Variants in KIF2A observed in about 807,000 individuals in gnomAD.
The protein encoded by KIF2A is kinesin family member 2A.
KIF2A carries 22 observed loss-of-function variants against 100.2 expected under a neutral mutation model. That is an observed-to-expected ratio of 0.22 (90% CI 0.16 to 0.31). KIF2A has a LOEUF of 0.31. Ranked by LOEUF, KIF2A falls within the 10% of genes least tolerant of loss-of-function variation. The pLI is 1.00. For synonymous variants in KIF2A, 268 were observed against 285.9 expected, an observed-to-expected ratio of 0.94 and a Z score of 0.63; for missense variants, 495 against 898.7, an observed-to-expected ratio of 0.55 and a Z score of 5.74.
chr5:62,354,210 A>T (rs1340795128), intron 6 of KIF2A, among the ~76,000 whole-genome samples: 1 of 152,110 alleles, frequency 6.6e-6, no homozygotes, highest in Non-Finnish European at 1.5e-5. Context: ...GAATAATAAA[A>T]CATATTATCT....
At chr5:62,337,435 T>G (rs893966946) in intron 1 of KIF2A, among the ~76,000 whole-genome samples, 24 of 150,268 alleles carry the variant, frequency 1.6e-4, no homozygotes, top group Non-Finnish European at 2.8e-4. Flanking sequence ...GAGGTTGCAG[T>G]GAGCCGAGAT....
At chr5:62,372,346 A>G (rs1460782209) in intron 16 of KIF2A, 92 bp from the exon 17 acceptor site, 1 of 696,812 alleles carries the variant, frequency 1.4e-6, no homozygotes, top group Non-Finnish European at 2.5e-6. Context: ...TCCTTTTCTA[A>G]ACAAAAGTGA....
chr5:62,357,881 T>A (rs1748194979), intron 8 of KIF2A, 136 bp downstream of exon 8: 1 of 654,694 alleles, frequency 1.5e-6, no homozygotes, highest in Admixed American at 3.2e-5. Context: ...TATGCAGATT[T>A]CTATGGCTAA....
At chr5:62,383,093 C>T (rs1741854050) in intron 20 of KIF2A, among the ~76,000 whole-genome samples, 1 of 149,178 alleles carries the variant, frequency 6.7e-6, no homozygotes, top group Non-Finnish European at 1.5e-5. Context: ...TACCCGGCTA[C>T]TTTTTGTATT....
Position 62,381,178 on chromosome 5 carries a change from T to G in KIF2A, c.2074T>G (p.Tyr692Asp). The G allele has an allele frequency of 6.2e-7, 1 of 1,608,584 alleles. No homozygotes were observed. Among genetic ancestry groups the G allele is most frequent in the Non-Finnish European group, 8.5e-7 (1 of 1,175,124 alleles). The change falls in exon 20 of 21, where the codon TAT becomes GAT. Residue 692 changes from tyrosine (Y) to aspartate (D), a missense_variant. This residue lies in a region of KIF2A where 58 missense variants were observed against 94.8 expected (regional missense o/e 0.61). Coordinates refer to ENST00000407818, the MANE Select transcript of KIF2A (RefSeq NM_001098511.3). The part of the protein sequence containing the change: ...ALLEMTEEVD[Y>D]DVDSYATQLE... ...CTTAGAGATGACTGAAGAAGTAGAT[T>G]ATGATGTCGATTCATATGCTACACA...
rs189317520 is a variant in KIF2A at position 62,344,117 on chromosome 5, G to A, written c.65-3013G>A. 6.0e-3 allele frequency among the ~76,000 whole-genome samples: 915 copies of A among 152,234 alleles called. 5 individuals are homozygous for A. The highest frequency in any genetic ancestry group is 0.01 in the Admixed American group (158 of 15,292). ...TCCCAGCACTTTGGGAGGCTGAGGCGGGCAGATCATGAAGTCAAGAGATGG... is the reference window on the plus strand; with the variant it reads ...TCCCAGCACTTTGGGAGGCTGAGGCAGGCAGATCATGAAGTCAAGAGATGG... On this transcript the variant is annotated intron_variant, in intron 1 of 20. Coordinates refer to ENST00000407818, the MANE Select transcript of KIF2A (RefSeq NM_001098511.3).
chr5:62,366,138 G>T (rs1198017650), intron 15 of KIF2A, among the ~76,000 whole-genome samples: 3 of 151,998 alleles, frequency 2.0e-5, no homozygotes, highest in Non-Finnish European at 4.4e-5. Flanking sequence ...GTCAGGTGGA[G>T]TGGGGGTCAG....
At chr5:62,380,466 T>G (rs562879272) in intron 19 of KIF2A, among the ~76,000 whole-genome samples, 1 of 152,270 alleles carries the variant, frequency 6.6e-6, no homozygotes, top group Admixed American at 6.5e-5. Flanking sequence ...TTTCATGTGT[T>G]TGTGTTAGAT....
At chr5:62,363,354 A>G (rs745517818) in intron 13 of KIF2A, 34 bp downstream of exon 13, 4 of 1,591,186 alleles carry the variant, frequency 2.5e-6, no homozygotes, top group Non-Finnish European at 3.4e-6. Context: ...AGGAAACATC[A>G]GTTTTAGAAA....
chr5:62,314,613 T>C (rs1745717852), intron 1 of KIF2A, among the ~76,000 whole-genome samples: 1 of 152,132 alleles, frequency 6.6e-6, no homozygotes, highest in Non-Finnish European at 1.5e-5. Flanking sequence ...CTATGTTTTA[T>C]TTACTTTTGA....
At chr5:62,315,248 C>T (rs1579998937) in intron 1 of KIF2A, among the ~76,000 whole-genome samples, 1 of 81,396 alleles carries the variant, frequency 1.2e-5, no homozygotes, top group East Asian at 3.2e-4. Flanking sequence ...AAAAAACAGA[C>T]CAAAAAAAAA....
rs906439962 is a variant in KIF2A at position 62,363,331 on chromosome 5, T to C, written c.1262+11T>C. 6 of 1,604,832 alleles carry C rather than the reference T, an allele frequency of 3.7e-6. No homozygotes were observed. In the African/African-American group the frequency reaches 8.1e-5, roughly 22 times the overall value. On this transcript the variant is annotated intron_variant, in intron 13 of 20. Transcript: ENST00000407818. ...AGGCAACAGTTGCAGGTAAATCTCA[T>C]TTTGATTAAGAAAGGAAACATCAGT...
chr5:62,308,639 T>G, intron 1 of KIF2A: 1 of 683,406 alleles, frequency 1.5e-6, no homozygotes, highest in Non-Finnish European at 2.7e-6. Flanking sequence ...TAGATGGACC[T>G]GAAGGACGTT....
Position 62,388,576 on chromosome 5 carries a change from G to A in KIF2A, c.*3007G>A, listed in dbSNP as rs962627550. 6.3e-6 allele frequency: 1 copy of A among 158,754 alleles called. No homozygotes were observed. The allele number at this position is 158,754 out of a possible 1,614,324, so 9.8% of individuals were successfully genotyped here. On this transcript the variant is annotated 3_prime_UTR_variant, in exon 21 of 21. Coordinates refer to ENST00000407818, the MANE Select transcript of KIF2A (RefSeq NM_001098511.3). ...ACATGTGAATAACAAGAAATGGTAC[G>A]GGGAATGTGAATAACACGAAATGGT...
intron 18 of KIF2A, among the ~76,000 whole-genome samples, chr5:62,374,089 G>C (rs564719366): frequency 1.3e-5 from 2 of 152,170 alleles, no homozygotes; most frequent in South Asian, 4.1e-4. Context: ...GTATACACCT[G>C]TAAGTCTAGC....
Position 62,306,327 on chromosome 5 carries a change from C to T in KIF2A, c.-146C>T, listed in dbSNP as rs1166740041. The T allele has an allele frequency of 2.6e-5, 17 of 659,474 alleles. No homozygotes were observed. The East Asian group carries it at 3.5e-4, about 14-fold the overall frequency. The allele number at this position is 659,474 out of a possible 1,614,324, so 40.9% of individuals were successfully genotyped here. On this transcript the variant is annotated 5_prime_UTR_variant, in exon 1 of 21. Coordinates refer to ENST00000407818, the MANE Select transcript of KIF2A (RefSeq NM_001098511.3). ...CCTGCTTCCCCACAGCTGCTCCTTG[C>T]GGCCCCGCTTGCGTTCACGCTGTCG...
intron 4 of KIF2A, 21 bp from the exon 5 acceptor site, chr5:62,352,567 A>ATTT: frequency 2.7e-6 from 3 of 1,119,812 alleles, no homozygotes; most frequent in Admixed American, 6.0e-5. Flanking sequence ...TGAATTTAAA[A>ATTT]TTTTTTTTTT....
intron 1 of KIF2A, among the ~76,000 whole-genome samples, chr5:62,327,602 T>G (rs997426171): frequency 1.3e-5 from 2 of 152,264 alleles, no homozygotes; most frequent in Non-Finnish European, 2.9e-5. Context: ...ACTCATAATC[T>G]GACTTTAGCC....
At chr5:62,319,624 T>C (rs779958035) in intron 1 of KIF2A, among the ~76,000 whole-genome samples, 10 of 152,202 alleles carry the variant, frequency 6.6e-5, no homozygotes, top group Non-Finnish European at 1.5e-4. Flanking sequence ...GCACAGGCAC[T>C]CTGCACACTT....
Sources: gnomAD v4.1 joint callset for allele counts (sites outside exome capture counted in the v4.1 genomes callset) on GRCh38, gnomAD v4.1.1 for gene constraint, gnomAD v4.1.1 regional missense constraint, MANE v1.5 for transcripts, NCBI Gene and HGNC (gene_info 2026-07-23, HGNC 2026-07-21) for gene names.